The following CNNM1 variants were observed in gnomAD, a reference collection of about 807,000 sequenced individuals.
CNNM1 encodes metal transporter CNNM1.
A neutral mutation model predicts 78.8 loss-of-function variants in CNNM1; 44 were observed. The ratio of observed to expected loss-of-function variants is 0.56; its 90% confidence interval spans 0.44 to 0.72. CNNM1 has a LOEUF of 0.72. Among genes scored for constraint, CNNM1 ranks in the 30% least tolerant of loss-of-function variants. The probability of loss-of-function intolerance (pLI) is 0.00; values close to 1 mark genes in which losing one functional copy is unlikely to be tolerated. For synonymous variants in CNNM1, 584 were observed against 581.5 expected (o/e 1.00, Z -0.06); for missense variants, 1,101 against 1,292.2 (o/e 0.85, Z 2.27).
In CNNM1 at chr10:99,330,323, C is replaced by T. The variant is rs1850582018; in HGVS notation, c.936C>T (p.Thr312=). Residue 312 remains threonine, a synonymous_variant, in exon 1 of 11, where the codon ACC becomes ACT. Transcript: ENST00000356713. ...YTSLPPGFGG[T]GEDYSEEGIH... is the part of the protein sequence containing the mutation. ...CGCTGCCGCCGGGCTTCGGGGGCACCGGGGAAGACTACAGCGAAGAGGGGA... is the reference window on the plus strand; with the variant it reads ...CGCTGCCGCCGGGCTTCGGGGGCACTGGGGAAGACTACAGCGAAGAGGGGA... 6.3e-7 allele frequency: 1 copy of T among 1,597,336 alleles called. No homozygotes were observed. The highest frequency in any genetic ancestry group is 1.7e-4 in the Middle Eastern group (1 of 6,038).
Position 99,344,577 on chromosome 10 carries a change from G to A in CNNM1, c.1574-12935G>A, listed in dbSNP as rs548839344. On this transcript the variant is annotated intron_variant, in intron 1 of 10. Coordinates refer to ENST00000356713, the MANE Select transcript of CNNM1 (RefSeq NM_020348.3). ...CAAAATTGAAAGCTGTTTACTTTGGGTAGGGCCCAGGGGATGAAAATTGGA... is the reference window on the plus strand; with the variant it reads ...CAAAATTGAAAGCTGTTTACTTTGGATAGGGCCCAGGGGATGAAAATTGGA... Among the ~76,000 whole-genome samples, 4 of 150,926 alleles carry A rather than the reference G, an allele frequency of 2.7e-5. No individual in the cohort carries two copies. In the East Asian group the frequency reaches 7.7e-4, roughly 29 times the overall value.
At position 99,388,343 on chromosome 10, in the gene CNNM1, T is replaced by C. The variant is rs201810724; in HGVS notation, c.2674+42T>C. ...GGGCCCAGTGCAGCAAGGGAGATCA[T>C]TGCCTTTGGGCACTGGGATGGCCCA... On this transcript the variant is annotated intron_variant, in intron 9 of 10. Coordinates refer to ENST00000356713, the MANE Select transcript of CNNM1 (RefSeq NM_020348.3). 8.1e-6 allele frequency: 13 copies of C among 1,596,894 alleles called. No homozygotes were observed. The East Asian group carries it at 2.7e-4, about 33-fold the overall frequency.
chr10:99,357,578 T>C lies in CNNM1; in HGVS notation c.1640T>C (p.Val547Ala). The C allele has an allele frequency of 1.2e-6, 2 of 1,613,648 alleles. No homozygotes were observed. Among genetic ancestry groups the C allele is most frequent in the African/African-American group, 2.7e-5 (2 of 75,004 alleles). The change falls in exon 2 of 11, where the codon GTG (valine) becomes GCG (alanine). Residue 547 changes from valine (V) to alanine (A), a missense_variant. Physicochemically the swap from Val to Ala is moderately conservative, Grantham distance 64 (BLOSUM62 0). This residue lies in a region of CNNM1 where 277 missense variants were observed against 423.2 expected (regional missense o/e 0.65). Transcript: ENST00000356713. ...GGAGAAGGGGACCCTTTCTATGAGGTGATGGGCATTGTCACGCTGGAGGAT... is the reference window on the plus strand; with the variant it reads ...GGAGAAGGGGACCCTTTCTATGAGGCGATGGGCATTGTCACGCTGGAGGAT... ...NEGEGDPFYE[V>A]MGIVTLEDII...
At chr10:99,345,132 T>A (rs544646482) in intron 1 of CNNM1, among the ~76,000 whole-genome samples, 2 of 152,304 alleles carry the variant, frequency 1.3e-5, no homozygotes, top group South Asian at 4.1e-4. Context: ...TTTTTCCAAG[T>A]CTCAGTTTCC....
At chr10:99,331,925 C>T (rs907570785) in intron 1 of CNNM1, among the ~76,000 whole-genome samples, 1 of 152,178 alleles carries the variant, frequency 6.6e-6, no homozygotes, top group Non-Finnish European at 1.5e-5. Flanking sequence ...CAACTCTCCT[C>T]CCCAAACTCA....
intron 1 of CNNM1, among the ~76,000 whole-genome samples, chr10:99,349,596 C>T (rs2030852721): frequency 6.6e-6 from 1 of 152,162 alleles, no homozygotes; most frequent in Non-Finnish European, 1.5e-5. Flanking sequence ...CTCACAAGCT[C>T]CCAAGTGATA....
At chr10:99,368,568 T>G (rs1241394016) in intron 6 of CNNM1, 1 of 1,194,388 alleles carries the variant, frequency 8.4e-7, no homozygotes, top group Non-Finnish European at 1.1e-6. Flanking sequence ...CCTTTTGTGT[T>G]TATATCTTCC....
chr10:99,384,206 A>G (rs542008112), intron 7 of CNNM1, among the ~76,000 whole-genome samples: 87 of 152,338 alleles, frequency 5.7e-4, no homozygotes, highest in African/African-American at 1.9e-3. Context: ...AGGGGAAGGA[A>G]CTGACAAGAA....
chr10:99,342,595 G>A (rs2030502521), intron 1 of CNNM1, among the ~76,000 whole-genome samples: 2 of 152,042 alleles, frequency 1.3e-5, no homozygotes, highest in African/African-American at 2.4e-5. Context: ...GGCGGTTGCT[G>A]CAGGATTGGT....
chr10:99,378,687 T>C (rs2032051027), intron 7 of CNNM1, among the ~76,000 whole-genome samples: 1 of 152,222 alleles, frequency 6.6e-6, no homozygotes, highest in African/African-American at 2.4e-5. Context: ...ATCCATTTAA[T>C]CTCACAGCCA....
In CNNM1 at chr10:99,329,513, G is replaced by A. The variant is rs1850546323; in HGVS notation, c.126G>A (p.Leu42=). Residue 42 remains leucine (L), a synonymous_variant, in exon 1 of 11, where the codon CTG becomes CTA. Coordinates refer to ENST00000356713, the MANE Select transcript of CNNM1 (RefSeq NM_020348.3). ...GGCCCCCGGCCGCCGCCGCCTGGCT[G>A]CTGGGCCTGCGGCCCGAGGACACTG... is the stretch of plus-strand genomic sequence containing the variant. ...SPRPPAAAAW[L]LGLRPEDTAG... The A allele has an allele frequency of 4.6e-6, 7 of 1,509,522 alleles. No individual in the cohort carries two copies. Among genetic ancestry groups the A allele is most frequent in the Non-Finnish European group, 5.3e-6 (6 of 1,135,886 alleles). 93.5% of individuals were successfully genotyped at this position (1,509,522 alleles called of 1,614,324 possible).
chr10:99,391,395 C>A, intron 10 of CNNM1, 42 bp from the exon 11 acceptor site: 2 of 1,453,272 alleles, frequency 1.4e-6, no homozygotes, highest in South Asian at 1.2e-5. Context: ...ATGAATGTTC[C>A]TCCAGTGTTA....
At chr10:99,360,479 G>C (rs2031391217) in intron 2 of CNNM1, among the ~76,000 whole-genome samples, 1 of 152,120 alleles carries the variant, frequency 6.6e-6, no homozygotes, top group Admixed American at 6.5e-5. Context: ...AGATGAGTAT[G>C]AGAGCTATAT....
chr10:99,371,801 A>G (rs1470500443), intron 6 of CNNM1, among the ~76,000 whole-genome samples: 3 of 152,146 alleles, frequency 2.0e-5, no homozygotes, highest in African/African-American at 4.8e-5. Flanking sequence ...TTGCCCCAGT[A>G]TAATGAATTT....
chr10:99,386,493 A>G (rs945166572), intron 7 of CNNM1, among the ~76,000 whole-genome samples: 1 of 152,244 alleles, frequency 6.6e-6, no homozygotes, highest in Non-Finnish European at 1.5e-5. Flanking sequence ...TCAAATGGGC[A>G]GTAGTATAAC....
Position 99,388,021 on chromosome 10 carries a change from A to G in CNNM1, c.2524+18A>G, listed in dbSNP as rs763290031. The G allele has an allele frequency of 4.0e-5, 63 of 1,578,990 alleles. No homozygotes were observed. The highest frequency in any genetic ancestry group is 5.3e-5 in the Non-Finnish European group (61 of 1,161,892). ...CCTGCCGTGTAAGTCAGCTGGGCAG[A>G]CGGGCAGGCTGGGCTGGTGTGGGGT... is the stretch of plus-strand genomic sequence containing the variant. On this transcript the variant is annotated intron_variant, in intron 8 of 10. Transcript: ENST00000356713.
At chr10:99,374,066 T>C (rs1369812355) in intron 6 of CNNM1, among the ~76,000 whole-genome samples, 1 of 152,242 alleles carries the variant, frequency 6.6e-6, no homozygotes, top group Non-Finnish European at 1.5e-5. Flanking sequence ...CATAATTTCT[T>C]TTCCTTTGGG....
rs892813194 is a variant in CNNM1 at position 99,330,168 on chromosome 10, G to C, written c.781G>C (p.Gly261Arg). The change falls in exon 1 of 11, where the codon GGC becomes CGC. Residue 261 changes from glycine to arginine, a missense_variant. By Grantham distance (125) the Gly-to-Arg change is moderately radical. Coordinates refer to ENST00000356713, the MANE Select transcript of CNNM1 (RefSeq NM_020348.3). Reference sequence around the variant, plus strand: ...GGAGTTACGGGTGCTGCGGAACAGCGGCTCGGCCGCCGAGCAGGAGCAGGC... The same window carrying C: ...GGAGTTACGGGTGCTGCGGAACAGCCGCTCGGCCGCCGAGCAGGAGCAGGC... The part of the protein sequence containing the change: ...PVELRVLRNS[G>R]SAAEQEQARR... The C allele has an allele frequency of 3.3e-6, 5 of 1,524,774 alleles. No homozygotes were observed. In the African/African-American group the frequency reaches 5.5e-5, roughly 17 times the overall value. 94.5% of individuals were successfully genotyped at this position (1,524,774 alleles called of 1,614,324 possible).
At chr10:99,364,846 G>A (rs1314449025) in intron 5 of CNNM1, 109 bp from the exon 6 acceptor site, 1 of 1,063,552 alleles carries the variant, frequency 9.4e-7, no homozygotes, top group African/African-American at 1.6e-5. Context: ...TAATTGCCTG[G>A]TTTTTACAGG....
Sources: allele counts gnomAD v4.1 joint callset (sites outside exome capture counted in the v4.1 genomes callset), GRCh38; gene constraint gnomAD v4.1.1; regional missense constraint gnomAD v4.1.1; transcripts MANE v1.5; gene names NCBI Gene and HGNC (gene_info 2026-07-23, HGNC 2026-07-21).